Variants in ZNF511 observed in about 807,000 individuals in gnomAD.
ZNF511 encodes the protein zinc finger protein 511.
In ZNF511, 26 loss-of-function variants were observed where a neutral mutation model predicts 24.8. That is an observed-to-expected ratio of 1.05 (90% CI 0.77 to 1.46). The LOEUF is 1.46. Ranked by LOEUF, ZNF511 falls within the 40% of genes most tolerant of loss-of-function variation. The probability of loss-of-function intolerance (pLI) is 0.00; values close to 1 mark genes in which losing one functional copy is unlikely to be tolerated. For synonymous variants in ZNF511, 144 were observed against 139.6 expected, an observed-to-expected ratio of 1.03 and a Z score of -0.22; for missense variants, 358 against 345.0, an observed-to-expected ratio of 1.04 and a Z score of -0.30.
chr10:133,311,779 CT>C lies in ZNF511; in HGVS notation c.619del (p.Cys207AlafsTer95). On this transcript the variant is annotated frameshift_variant, in exon 5 of 6. Transcript: ENST00000361518. LOFTEE classifies it high-confidence loss of function. ...ERSEGEAMEICSEPVAASPAP... is the reference protein window; with the variant it reads ...ERSEGEAMEIXSEPVAASPAP... Reference sequence around the variant, plus strand: ...GGTCAGAAGGGGAGGCCATGGAAATCTGCTCTGAGCCTGTGGCAGCCTCCCC... The same window carrying C: ...GGTCAGAAGGGGAGGCCATGGAAATCGCTCTGAGCCTGTGGCAGCCTCCCC... The C allele has an allele frequency of 6.2e-7, 1 of 1,613,806 alleles. No individual in the cohort carries two copies. The highest frequency in any genetic ancestry group is 1.7e-4 in the Middle Eastern group (1 of 6,060).
chr10:133,309,999 G>A (rs753687652), intron 3 of ZNF511, 22 bp downstream of exon 3: 1 of 1,611,544 alleles, frequency 6.2e-7, no homozygotes, highest in African/African-American at 1.3e-5. Context: ...CTGCACAGCC[G>A]CCGAGGCCAC....
Position 133,309,454 on chromosome 10 carries a change from A to G in ZNF511, c.218A>G (p.Glu73Gly). ...ATCATGCAGGTGGCCGACGTGCCTG[A>G]GAAGCCCAGGTAAGCGAATGGGCAG... ...DVIMQVADVP[E>G]KPRVPAFACQ... The change falls in exon 2 of 6, where the codon GAG becomes GGG. Residue 73 changes from glutamate (E) to glycine (G), a missense_variant. Coordinates refer to ENST00000361518, the MANE Select transcript of ZNF511 (RefSeq NM_145806.4). 6.2e-7 allele frequency: 1 copy of G among 1,612,402 alleles called. No individual in the cohort carries two copies. Among genetic ancestry groups the G allele is most frequent in the Non-Finnish European group, 8.5e-7 (1 of 1,179,662 alleles).
chr10:133,309,605 G>A, intron 2 of ZNF511, 142 bp downstream of exon 2: 2 of 1,270,454 alleles, frequency 1.6e-6, no homozygotes, highest in South Asian at 1.3e-5. Context: ...TGGCGTGGCC[G>A]ACTCTTCCAC....
intron 1 of ZNF511, 115 bp from the exon 2 acceptor site, chr10:133,309,275 G>T: frequency 1.4e-6 from 2 of 1,391,046 alleles, no homozygotes; most frequent in Non-Finnish European, 1.9e-6. Flanking sequence ...GGGGCCTGAG[G>T]CTGTGGGGCG....
At chr10:133,309,231 A>T in intron 1 of ZNF511, 135 bp downstream of exon 1, 2 of 720,054 alleles carry the variant, frequency 2.8e-6, no homozygotes, top group Non-Finnish European at 3.6e-6. Flanking sequence ...GCGGGACCTG[A>T]GGTGGTGGGG....
At chr10:133,312,458 T>C in intron 5 of ZNF511, 1 of 1,218,902 alleles carries the variant, frequency 8.2e-7, no homozygotes, top group Non-Finnish European at 1.0e-6. Context: ...CTTTGGCCTG[T>C]GAATGAGCCC....
intron 3 of ZNF511, 31 bp from the exon 4 acceptor site, chr10:133,310,133 T>C (rs2136152215): frequency 6.2e-7 from 1 of 1,612,476 alleles, no homozygotes; most frequent in East Asian, 2.2e-5. Flanking sequence ...GGGCCAGGGG[T>C]CAGAGGGAGG....
Position 133,312,854 on chromosome 10 carries a change from C to G in ZNF511, c.747C>G (p.Thr249=), listed in dbSNP as rs768120070. 6.2e-7 allele frequency: 1 copy of G among 1,614,170 alleles called. No homozygotes were observed. The highest frequency in any genetic ancestry group is 8.5e-7 in the Non-Finnish European group (1 of 1,180,034). ...ARGFKSNKKK[T]KQC is the part of the protein sequence containing the mutation. ...GATTTAAAAGCAACAAGAAGAAAACCAAACAATGCTGATAGACTCAGAAAA... is the reference window on the plus strand; with the variant it reads ...GATTTAAAAGCAACAAGAAGAAAACGAAACAATGCTGATAGACTCAGAAAA... Residue 249 remains threonine (T), a synonymous_variant, in exon 6 of 6, where the codon ACC becomes ACG. Transcript: ENST00000361518.
Position 133,309,111 on chromosome 10 carries a change from G to C in ZNF511, c.153+15G>C, listed in dbSNP as rs753219620. 7.5e-7 allele frequency: 1 copy of C among 1,324,646 alleles called. No individual in the cohort carries two copies. Among genetic ancestry groups the C allele is most frequent in the Admixed American group, 3.6e-5 (1 of 27,884 alleles). The allele number at this position is 1,324,646 out of a possible 1,614,324, so 82.1% of individuals were successfully genotyped here. ...AGTTCTTCGAGGTGCGTGAGCAAAA[G>C]AGGGAAAAAGTAGTTGTAGGATCCA... is the stretch of plus-strand genomic sequence containing the variant. On this transcript the variant is annotated intron_variant, in intron 1 of 5. Transcript: ENST00000361518.
intron 5 of ZNF511, 188 bp downstream of exon 5, chr10:133,312,029 G>T: frequency 6.5e-7 from 1 of 1,535,640 alleles, no homozygotes; most frequent in Non-Finnish European, 8.8e-7. Flanking sequence ...AGTTTCTCTC[G>T]CATACTCTGT....
chr10:133,310,134 C>G (rs1389882357), intron 3 of ZNF511, 30 bp from the exon 4 acceptor site: 1 of 1,613,032 alleles, frequency 6.2e-7, no homozygotes, highest in East Asian at 2.2e-5. Flanking sequence ...GGCCAGGGGT[C>G]AGAGGGAGGT....
intron 5 of ZNF511, chr10:133,312,055 G>A: frequency 6.8e-7 from 1 of 1,479,666 alleles, no homozygotes; most frequent in Non-Finnish European, 8.9e-7. Flanking sequence ...AGCCATTGAA[G>A]CGCAGGAATG....
At chr10:133,309,131 G>A (rs755644687) in intron 1 of ZNF511, 35 bp downstream of exon 1, 7 of 1,362,166 alleles carry the variant, frequency 5.1e-6, no homozygotes, top group Middle Eastern at 2.3e-4. Context: ...GTAGTTGTAG[G>A]ATCCAGTGGG....
At chr10:133,312,263 T>C (rs1362322247) in intron 5 of ZNF511, 2 of 1,324,230 alleles carry the variant, frequency 1.5e-6, no homozygotes, top group African/African-American at 3.0e-5. Context: ...CCGTCTGCCT[T>C]TCTAGCATGA....
In ZNF511 at chr10:133,308,922, G is replaced by A; in HGVS notation, c.-22G>A. 1 of 1,214,094 alleles carries A rather than the reference G, an allele frequency of 8.2e-7. No homozygotes were observed. The highest frequency in any genetic ancestry group is 1.0e-6 in the Non-Finnish European group (1 of 973,296). The allele number at this position is 1,214,094 out of a possible 1,614,324, so 75.2% of individuals were successfully genotyped here. A position where few individuals can be genotyped will look rare whatever the true frequency, so the allele number is the denominator to read the frequency against. On this transcript the variant is annotated 5_prime_UTR_variant, in exon 1 of 6. Coordinates refer to ENST00000361518, the MANE Select transcript of ZNF511 (RefSeq NM_145806.4). ...GCTCGCGGACGGTGGCCGACAGGCT[G>A]CGCCCGCCCGCGCCCGGGGTGATGC...
chr10:133,310,662 C>T (rs1160635480), intron 4 of ZNF511: 2 of 265,244 alleles, frequency 7.5e-6, no homozygotes, highest in Non-Finnish European at 1.5e-5. Context: ...GTACCTCCTG[C>T]AGCCGTCGGC....
chr10:133,312,075 A>G (rs1455955739), intron 5 of ZNF511: 1 of 1,462,392 alleles, frequency 6.8e-7, no homozygotes, highest in East Asian at 2.5e-5. Flanking sequence ...GCCAAGCACC[A>G]CTCACTTTTC....
rs369626267 is a variant in ZNF511, at chr10:133,309,987, A to G, written c.429+10A>G. The G allele has an allele frequency of 7.9e-5, 127 of 1,612,232 alleles. No individual in the cohort carries two copies. Among genetic ancestry groups the G allele is most frequent in the Non-Finnish European group, 1.0e-4 (120 of 1,179,794 alleles). On this transcript the variant is annotated intron_variant, in intron 3 of 5. Transcript: ENST00000361518. ...TGAGAGGCAGGACATGGTGGGTGAC[A>G]ACTGCACAGCCGCCGAGGCCACCCC...
intron 5 of ZNF511, 151 bp downstream of exon 5, chr10:133,311,992 A>G (rs1024687083): frequency 1.2e-6 from 2 of 1,604,850 alleles, no homozygotes; most frequent in Non-Finnish European, 1.7e-6. Flanking sequence ...AAGAAAGTCC[A>G]GATATCTCAG....
Sources: gnomAD v4.1 joint callset for allele counts on GRCh38, gnomAD v4.1.1 for gene constraint, MANE v1.5 for transcripts, NCBI Gene and HGNC (gene_info 2026-07-23, HGNC 2026-07-21) for gene names.